Variants in PBX4 observed in about 807,000 individuals in gnomAD.
PBX4 encodes the protein pre-B-cell leukemia transcription factor 4.
In PBX4, 26 loss-of-function variants were observed where a neutral mutation model predicts 35.1. The observed-to-expected ratio is 0.74, with a 90% CI of 0.54 to 1.03. The LOEUF is 1.03. Among genes scored for constraint, PBX4 ranks in the 50% least tolerant of loss-of-function variants. PBX4 has a pLI of 0.00. For synonymous variants in PBX4, 199 were observed against 204.2 expected (o/e 0.97, Z 0.22); for missense variants, 448 against 504.3 (o/e 0.89, Z 1.07).
chr19:19,606,960 C>T (rs2061635418), intron 1 of PBX4, among the ~76,000 whole-genome samples: 1 of 152,118 alleles, frequency 6.6e-6, no homozygotes, highest in Non-Finnish European at 1.5e-5. Context: ...CACTGAACTC[C>T]AGGCTGGGTG....
At chr19:19,587,183 T>C (rs1447936414) in intron 2 of PBX4, among the ~76,000 whole-genome samples, 1 of 151,884 alleles carries the variant, frequency 6.6e-6, no homozygotes, top group Non-Finnish European at 1.5e-5. Context: ...TTTTGTTTTT[T>C]TGTTTTGTTT....
chr19:19,570,939 C>A (rs2061379239), intron 2 of PBX4, 106 bp from the exon 3 acceptor site: 1 of 1,436,476 alleles, frequency 7.0e-7, no homozygotes, highest in Non-Finnish European at 9.5e-7. Context: ...TTGCATAGAA[C>A]CCTTCGGGAG....
chr19:19,611,678 C>CAAAAAAAAAA (rs1344348105), intron 1 of PBX4, among the ~76,000 whole-genome samples: 1 of 53,654 alleles, frequency 1.9e-5, no homozygotes. Flanking sequence ...GATTCTGTCT[C>CAAAAAAAAAA]AAAAAAAAAA....
chr19:19,568,970 A>G (rs527448618), intron 5 of PBX4, among the ~76,000 whole-genome samples: 1 of 152,298 alleles, frequency 6.6e-6, no homozygotes, highest in Admixed American at 6.5e-5. Context: ...ATGAACGGGG[A>G]GAGCGCTGGA....
At chr19:19,564,777 G>A in intron 6 of PBX4, 156 bp downstream of exon 6, 1 of 935,864 alleles carries the variant, frequency 1.1e-6, no homozygotes, top group East Asian at 2.5e-5. Flanking sequence ...TCATGGCCAA[G>A]AGGAACAGAA....
intron 2 of PBX4, among the ~76,000 whole-genome samples, chr19:19,587,635 G>T (rs1310509973): frequency 2.1e-5 from 3 of 141,356 alleles, no homozygotes; most frequent in Admixed American, 1.5e-4. Context: ...TACATTTCTT[G>T]TTCTGATAGC....
At chr19:19,604,132 T>G (rs2061614670) in intron 1 of PBX4, among the ~76,000 whole-genome samples, 1 of 152,248 alleles carries the variant, frequency 6.6e-6, no homozygotes, top group East Asian at 1.9e-4. Flanking sequence ...AGCTGAATAA[T>G]GTATCTGAAA....
chr19:19,615,962 A>G (rs1404004797), intron 1 of PBX4, among the ~76,000 whole-genome samples: 1 of 152,114 alleles, frequency 6.6e-6, no homozygotes, highest in Non-Finnish European at 1.5e-5. Flanking sequence ...CTTCCTTCCT[A>G]GGACTGCTGT....
At chr19:19,571,192 A>G (rs994734238) in intron 2 of PBX4, among the ~76,000 whole-genome samples, 8 of 152,148 alleles carry the variant, frequency 5.3e-5, no homozygotes, top group Admixed American at 4.6e-4. Context: ...GTGCTGGGGA[A>G]GAGGGGGCAC....
At chr19:19,615,638 T>C (rs906877296) in intron 1 of PBX4, among the ~76,000 whole-genome samples, 2 of 152,170 alleles carry the variant, frequency 1.3e-5, no homozygotes, top group Non-Finnish European at 2.9e-5. Flanking sequence ...ACGCCTGTAA[T>C]CCCAGCACTT....
At chr19:19,607,333 C>T (rs1599380485) in intron 1 of PBX4, among the ~76,000 whole-genome samples, 1 of 152,034 alleles carries the variant, frequency 6.6e-6, no homozygotes, top group Non-Finnish European at 1.5e-5. Context: ...GGATTATAGG[C>T]GTCAGCCACT....
intron 2 of PBX4, among the ~76,000 whole-genome samples, chr19:19,595,873 A>G (rs1220979093): frequency 6.6e-6 from 1 of 152,182 alleles, no homozygotes; most frequent in Non-Finnish European, 1.5e-5. Flanking sequence ...TCACTGTTGG[A>G]GGAAGGAGTC....
chr19:19,580,808 C>T (rs746556056), intron 2 of PBX4, among the ~76,000 whole-genome samples: 1 of 152,228 alleles, frequency 6.6e-6, no homozygotes, highest in Admixed American at 6.5e-5. Context: ...CAGTGGCACG[C>T]TGCAGCCTTG....
intron 2 of PBX4, among the ~76,000 whole-genome samples, chr19:19,589,729 G>A (rs771719974): frequency 9.9e-5 from 15 of 151,180 alleles, no homozygotes; most frequent in African/African-American, 2.4e-4. Context: ...GAGATCGCAC[G>A]ATTGCACTCC....
chr19:19,592,390 C>T (rs939773567), intron 2 of PBX4, among the ~76,000 whole-genome samples: 9 of 152,154 alleles, frequency 5.9e-5, no homozygotes, highest in Non-Finnish European at 1.0e-4. Flanking sequence ...GGAGGAAATG[C>T]ATACGCTGAG....
rs765050333 is a variant in PBX4, at chr19:19,565,142, C to T, written c.769-53G>A. ...AGCTGACCCAGCGACTTCTGAGACA[C>T]GACGCAGTCTGTGGGTTCCCTGGGG... On this transcript the variant is annotated intron_variant, in intron 5 of 7. Coordinates refer to ENST00000251203, the MANE Select transcript of PBX4 (RefSeq NM_025245.3). The T allele has an allele frequency of 3.3e-5, 53 of 1,610,564 alleles. 1 individual carries two copies. Among genetic ancestry groups the T allele is most frequent in the South Asian group, 9.9e-5 (9 of 90,882 alleles).
chr19:19,611,190 G>A (rs1008816276), intron 1 of PBX4, among the ~76,000 whole-genome samples: 5 of 152,252 alleles, frequency 3.3e-5, no homozygotes, highest in Non-Finnish European at 7.4e-5. Context: ...ACCAAGCCTA[G>A]GGGAACACAT....
chr19:19,563,014 C>T lies in PBX4; in HGVS notation c.1032+495G>A, dbSNP rs1295459295. Among the ~76,000 whole-genome samples the T allele has an allele frequency of 6.6e-6, 1 of 152,194 alleles. No homozygotes were observed. Among genetic ancestry groups the T allele is most frequent in the Non-Finnish European group, 1.5e-5 (1 of 68,014 alleles). ...CGGCTCTGCAGTGCCCTGGCACACA[C>T]CACACACACAGCCTCGTGCCTGTGC... On this transcript the variant is annotated intron_variant, in intron 7 of 7. Transcript: ENST00000251203. This position sits in a 1 kb window ranked among gnomAD's most constrained non-coding sequence, Gnocchi z 5.1.
chr19:19,576,804 G>T (rs571829889), intron 2 of PBX4, among the ~76,000 whole-genome samples: 4 of 151,520 alleles, frequency 2.6e-5, no homozygotes, highest in African/African-American at 9.7e-5. Flanking sequence ...TGTAGAGATG[G>T]CATCTCACTA....
Sources: allele counts gnomAD v4.1 joint callset (sites outside exome capture counted in the v4.1 genomes callset), GRCh38; gene constraint gnomAD v4.1.1; non-coding constraint Gnocchi (gnomAD v3.1); transcripts MANE v1.5; gene names NCBI Gene and HGNC (gene_info 2026-07-23, HGNC 2026-07-21).